FBN1: variants seen among roughly 807,000 people sequenced by gnomAD.
FBN1 encodes fibrillin 1, also known as fibrillin-1.
FBN1 carries 29 observed loss-of-function variants against 365.1 expected under a neutral mutation model. The ratio of observed to expected loss-of-function variants is 0.08; its 90% CI spans 0.06 to 0.11. The LOEUF is 0.11. FBN1 is among the 10% of genes least tolerant of loss of function. FBN1 has a pLI of 1.00. For missense variants in FBN1, 2,476 were observed against 3,703.2 expected, an observed-to-expected ratio of 0.67 and a Z score of 8.60; for synonymous variants, 1,210 against 1,270.5, an observed-to-expected ratio of 0.95 and a Z score of 1.01.
chr15:48,568,616 AG>A (rs2044279753), intron 6 of FBN1, among the ~76,000 whole-genome samples: 1 of 152,126 alleles, frequency 6.6e-6, no homozygotes, highest in African/African-American at 2.4e-5. Context: ...ACAGTAATCA[AG>A]AGACTATGGT....
intron 4 of FBN1, among the ~76,000 whole-genome samples, chr15:48,606,971 C>T (rs927167801): frequency 1.3e-5 from 2 of 152,316 alleles, no homozygotes; most frequent in Non-Finnish European, 2.9e-5. Context: ...CTCATACTTG[C>T]TCCCCATGTG....
chr15:48,444,756 TA>T, intron 48 of FBN1, 96 bp from the exon 49 acceptor site: 1 of 1,331,032 alleles, frequency 7.5e-7, no homozygotes, highest in South Asian at 1.2e-5. Context: ...ATCAAAGAAA[TA>T]CATAAAGCAA....
chr15:48,530,534 AG>A (rs1257857825), intron 8 of FBN1, among the ~76,000 whole-genome samples: 1 of 151,938 alleles, frequency 6.6e-6, no homozygotes, highest in Non-Finnish European at 1.5e-5. Flanking sequence ...CCTTATTTCC[AG>A]GGCTCTTTGA....
chr15:48,412,101 C>CGTA (rs2042868132), intron 65 of FBN1, among the ~76,000 whole-genome samples: 1 of 152,168 alleles, frequency 6.6e-6, no homozygotes, highest in African/African-American at 2.4e-5. Flanking sequence ...CTGCAGCAGC[C>CGTA]GTAGGCAAAG....
chr15:48,426,622 T>C (rs1010399122), intron 58 of FBN1, among the ~76,000 whole-genome samples: 1 of 152,162 alleles, frequency 6.6e-6, no homozygotes, highest in Non-Finnish European at 1.5e-5. Context: ...AAGCACTTTC[T>C]ACATGGGTTC....
chr15:48,503,574 G>A (rs1051268426), intron 17 of FBN1, among the ~76,000 whole-genome samples: 15 of 152,190 alleles, frequency 9.9e-5, no homozygotes, highest in Non-Finnish European at 1.0e-4. Flanking sequence ...GAGTTTATAC[G>A]AGAGGCACAA....
chr15:48,599,146 C>G (rs1053665437), intron 5 of FBN1, among the ~76,000 whole-genome samples: 2 of 152,160 alleles, frequency 1.3e-5, no homozygotes, highest in African/African-American at 2.4e-5. Flanking sequence ...CAGACTAACA[C>G]AGATGGTCAC....
intron 2 of FBN1, among the ~76,000 whole-genome samples, chr15:48,638,706 A>G (rs1890144633): frequency 6.6e-6 from 1 of 152,072 alleles, no homozygotes; most frequent in Non-Finnish European, 1.5e-5. Context: ...AAAATGAAAA[A>G]GAAATAATTA....
intron 53 of FBN1, 34 bp downstream of exon 53, chr15:48,436,927 G>C (rs1424750596): frequency 1.5e-6 from 2 of 1,308,382 alleles, no homozygotes; most frequent in Non-Finnish European, 2.2e-6. Context: ...TTTTTAATTT[G>C]TAAAGTTCCT....
At chr15:48,610,673 A>C (rs1032848977) in intron 4 of FBN1, 55 bp downstream of exon 4, 11 of 1,337,648 alleles carry the variant, frequency 8.2e-6, no homozygotes, top group East Asian at 4.9e-5. Context: ...ATTTAGGAGA[A>C]AATGGGGTAT....
chr15:48,628,600 A>G (rs1389229775), intron 2 of FBN1, among the ~76,000 whole-genome samples: 3 of 152,240 alleles, frequency 2.0e-5, no homozygotes, highest in Non-Finnish European at 2.9e-5. Context: ...CATAGCTCAT[A>G]ATAGCCTATC....
intron 6 of FBN1, among the ~76,000 whole-genome samples, chr15:48,575,208 T>C (rs2044335659): frequency 6.6e-6 from 1 of 152,234 alleles, no homozygotes; most frequent in Admixed American, 6.5e-5. Flanking sequence ...GCATGGACTT[T>C]AGAGTCTTGC....
chr15:48,626,499 A>G (rs994424322), intron 2 of FBN1, among the ~76,000 whole-genome samples: 1 of 152,196 alleles, frequency 6.6e-6, no homozygotes, highest in African/African-American at 2.4e-5. Context: ...ATAGCAGTCA[A>G]CAGGCCATGG....
At chr15:48,523,119 G>A (rs1188592633) in intron 9 of FBN1, among the ~76,000 whole-genome samples, 1 of 152,210 alleles carries the variant, frequency 6.6e-6, no homozygotes, top group African/African-American at 2.4e-5. Context: ...TTGGGGCATG[G>A]AAACCAAAGA....
intron 6 of FBN1, among the ~76,000 whole-genome samples, chr15:48,552,681 T>C (rs1039483434): frequency 4.6e-5 from 7 of 152,216 alleles, no homozygotes; most frequent in Non-Finnish European, 1.0e-4. Flanking sequence ...GGTTGGGTTT[T>C]GCATCATTTG....
intron 60 of FBN1, among the ~76,000 whole-genome samples, chr15:48,423,079 T>C (rs1165274565): frequency 1.3e-5 from 2 of 152,226 alleles, no homozygotes; most frequent in African/African-American, 2.4e-5. Flanking sequence ...CGCCTCAACT[T>C]CTAAGTTGCA....
At position 48,488,255 on chromosome 15, in the gene FBN1, G is replaced by A. The variant is rs2043526499; in HGVS notation, c.3209-14C>T. On this transcript the variant is annotated splice_polypyrimidine_tract_variant and intron_variant, in intron 26 of 65. Coordinates refer to ENST00000316623, the MANE Select transcript of FBN1 (RefSeq NM_000138.5). ...ATTCGTCAATGTCTGCACAAAAACAGCAAGTGGCAGCAAATGAGTCTCAGG... is the reference window on the plus strand; with the variant it reads ...ATTCGTCAATGTCTGCACAAAAACAACAAGTGGCAGCAAATGAGTCTCAGG... The A allele has an allele frequency of 6.2e-7, 1 of 1,614,106 alleles. No homozygotes were observed. Among genetic ancestry groups the A allele is most frequent in the Non-Finnish European group, 8.5e-7 (1 of 1,180,044 alleles).
chr15:48,468,642 T>G, intron 36 of FBN1, 108 bp from the exon 37 acceptor site: 41 of 1,092,132 alleles, frequency 3.8e-5, no homozygotes, highest in Non-Finnish European at 5.2e-5. Context: ...ATTTTAAAGC[T>G]ACTAGTTATA....
chr15:48,526,801 T>G (rs1311266411), intron 8 of FBN1, among the ~76,000 whole-genome samples: 1 of 152,142 alleles, frequency 6.6e-6, no homozygotes, highest in Non-Finnish European at 1.5e-5. Context: ...GGTTGGTGAA[T>G]GAACTGTGAT....
Sources: gnomAD v4.1 joint callset for allele counts (sites outside exome capture counted in the v4.1 genomes callset) on GRCh38, gnomAD v4.1.1 for gene constraint, MANE v1.5 for transcripts, NCBI Gene and HGNC (gene_info 2026-07-23, HGNC 2026-07-21) for gene names.